Variants in PCNX1 observed in about 807,000 individuals in gnomAD.
PCNX1 encodes pecanex-like protein 1.
PCNX1 carries 78 observed loss-of-function variants against 242.2 expected under a neutral mutation model. That is an observed-to-expected ratio of 0.32 (90% CI 0.27 to 0.39). PCNX1 has a LOEUF of 0.39. Among genes scored for constraint, PCNX1 ranks in the 10% least tolerant of loss-of-function variants. The pLI is 1.00. For synonymous variants in PCNX1, 1,024 were observed against 1,032.9 expected, an observed-to-expected ratio of 0.99 and a Z score of 0.17; for missense variants, 2,581 against 2,856.5, an observed-to-expected ratio of 0.90 and a Z score of 2.20.
intron 15 of PCNX1, 101 bp from the exon 16 acceptor site, chr14:71,028,599 G>GA: frequency 1.5e-6 from 1 of 653,954 alleles, no homozygotes; most frequent in Non-Finnish European, 2.6e-6. Context: ...GATATTTAAT[G>GA]ATAGTTGACA....
At chr14:71,028,916 T>A (rs988652054) in intron 16 of PCNX1, 125 bp downstream of exon 16, 1 of 539,324 alleles carries the variant, frequency 1.9e-6, no homozygotes. Flanking sequence ...ATGGTCTTCA[T>A]ATGTTAAACA....
chr14:70,990,849 G>A (rs924072033), intron 7 of PCNX1, among the ~76,000 whole-genome samples: 32 of 152,078 alleles, frequency 2.1e-4, no homozygotes, highest in African/African-American at 7.5e-4. Context: ...TGTAGAAAGA[G>A]CTCAGCGTTT....
intron 26 of PCNX1, among the ~76,000 whole-genome samples, chr14:71,061,740 AT>A (rs1428688968): frequency 2.6e-5 from 4 of 152,172 alleles, no homozygotes. Context: ...GGATGAAGAG[AT>A]TGCAAAAATC....
chr14:70,914,877 T>C (rs1423826522), intron 1 of PCNX1, among the ~76,000 whole-genome samples: 1 of 152,202 alleles, frequency 6.6e-6, no homozygotes, highest in African/African-American at 2.4e-5. Context: ...GTTTGCGTAG[T>C]GTAGACTTGG....
chr14:70,978,676 GT>G, intron 6 of PCNX1, 28 bp downstream of exon 6: 1 of 1,564,016 alleles, frequency 6.4e-7, no homozygotes, highest in Non-Finnish European at 8.6e-7. Flanking sequence ...AGAGATTTCT[GT>G]AAGACTCACT....
At chr14:70,908,081 C>T in intron 1 of PCNX1, 78 bp downstream of exon 1, 2 of 1,376,636 alleles carry the variant, frequency 1.5e-6, no homozygotes, top group East Asian at 3.0e-5. Context: ...CCCTCTTCCT[C>T]TTCCACGGGG....
rs1256459089 is a variant in PCNX1, at chr14:71,113,442, AGTTT to A, written c.*3508_*3511del. The A allele has an allele frequency of 1.3e-5, 2 of 152,650 alleles. No individual in the cohort carries two copies. Among genetic ancestry groups the A allele is most frequent in the South Asian group, 2.1e-4 (1 of 4,832 alleles). The allele number at this position is 152,650 out of a possible 1,614,324, so 9.5% of individuals were successfully genotyped here. A position where few individuals can be genotyped will look rare whatever the true frequency, so the allele number is the denominator to read the frequency against. On this transcript the variant is annotated 3_prime_UTR_variant, in exon 36 of 36. Transcript: ENST00000304743. ...GAAGATGTGTTTTTCTTTCTGAATT[AGTTT>A]ATTTTTCCATCACATACCAAAATAT... is the stretch of plus-strand genomic sequence containing the variant.
intron 5 of PCNX1, among the ~76,000 whole-genome samples, chr14:70,975,093 C>T (rs138735899): frequency 6.6e-6 from 1 of 152,096 alleles, no homozygotes; most frequent in East Asian, 1.9e-4. Flanking sequence ...ATTAAAAAAA[C>T]CTTTTGTTAT....
At chr14:70,949,071 C>T (rs779202946) in intron 2 of PCNX1, among the ~76,000 whole-genome samples, 6 of 138,894 alleles carry the variant, frequency 4.3e-5, no homozygotes, top group East Asian at 2.1e-4. Context: ...TATGTATAGA[C>T]GTGTATATAT....
chr14:70,939,290 C>T (rs2057136798), intron 1 of PCNX1, among the ~76,000 whole-genome samples: 1 of 152,246 alleles, frequency 6.6e-6, no homozygotes, highest in Admixed American at 6.5e-5. Flanking sequence ...TTTCCCTCTA[C>T]ACACTGCTTT....
rs562902226 is a variant in PCNX1 at position 70,990,022 on chromosome 14, C to T, written c.2444+1323C>T. On this transcript the variant is annotated intron_variant, in intron 7 of 35. Coordinates refer to ENST00000304743, the MANE Select transcript of PCNX1 (RefSeq NM_014982.3). The stretch of plus-strand genomic sequence containing the variant: ...CTGTTAAGTGCATGGTAGGTTGGAA[C>T]AGATAAACCCCTTCTCTTGTTAAAA... Among the ~76,000 whole-genome samples, 9 of 152,274 alleles carry T rather than the reference C, an allele frequency of 5.9e-5. No homozygotes were observed. The South Asian group carries it at 1.9e-3, about 32-fold the overall frequency.
chr14:71,047,963 T>C lies in PCNX1; in HGVS notation c.4317T>C (p.Phe1439=). The change falls in exon 22 of 36, where the codon TTT becomes TTC. Residue 1439 remains phenylalanine (F), a synonymous_variant. Coordinates refer to ENST00000304743, the MANE Select transcript of PCNX1 (RefSeq NM_014982.3). The stretch of plus-strand genomic sequence containing the variant: ...AGACCATGCTGTTGGATCTCTTCTT[T>C]ATGTCCATACTCTTCAACAAGGTAA... ...FSETMLLDLF[F]MSILFNKLWE... is the part of the protein sequence containing the mutation. The C allele has an allele frequency of 6.2e-7, 1 of 1,612,252 alleles. No individual in the cohort carries two copies. Among genetic ancestry groups the C allele is most frequent in the Non-Finnish European group, 8.5e-7 (1 of 1,178,854 alleles).
intron 1 of PCNX1, among the ~76,000 whole-genome samples, chr14:70,914,017 C>T (rs2056042764): frequency 6.6e-6 from 1 of 152,006 alleles, no homozygotes; most frequent in African/African-American, 2.4e-5. Flanking sequence ...CTGGTCATGG[C>T]ACAGATATAA....
intron 33 of PCNX1, among the ~76,000 whole-genome samples, chr14:71,106,337 G>A (rs2062621196): frequency 6.6e-6 from 1 of 152,154 alleles, no homozygotes; most frequent in African/African-American, 2.4e-5. Context: ...ATTTTTAAAG[G>A]CTAACAATAT....
chr14:70,912,446 G>C (rs2140016675), intron 1 of PCNX1, among the ~76,000 whole-genome samples: 1 of 151,944 alleles, frequency 6.6e-6, no homozygotes, highest in South Asian at 2.1e-4. Context: ...CTAACTACCA[G>C]CCCCTGACTG....
In PCNX1 at chr14:71,036,145, C is replaced by T; in HGVS notation, c.3855C>T (p.Phe1285=). 6.3e-7 allele frequency: 1 copy of T among 1,582,610 alleles called. No homozygotes were observed. Among genetic ancestry groups the T allele is most frequent in the Admixed American group, 1.7e-5 (1 of 59,964 alleles). The change falls in exon 19 of 36, where the codon TTC becomes TTT. Residue 1285 remains phenylalanine, a synonymous_variant. Transcript: ENST00000304743. ...LYFAIHVSTV[F]TVLQPALKYV... ...TTGCTATTCATGTAAGCACAGTCTT[C>T]ACAGTATTGCAGGTAAGGAATCATT...
intron 2 of PCNX1, 124 bp downstream of exon 2, chr14:70,947,247 C>T (rs1221391625): frequency 2.9e-6 from 2 of 694,622 alleles, no homozygotes; most frequent in South Asian, 1.8e-5. Context: ...GATCTTACCA[C>T]TGTAGATACA....
intron 2 of PCNX1, among the ~76,000 whole-genome samples, chr14:70,959,221 CTT>C (rs35385199): frequency 2.3e-3 from 321 of 141,540 alleles, no homozygotes; most frequent in Non-Finnish European, 3.9e-3. Context: ...TTCCTGTTAT[CTT>C]TTTTTTTTTT....
intron 12 of PCNX1, among the ~76,000 whole-genome samples, chr14:71,022,066 TA>T (rs1476974726): frequency 6.6e-6 from 1 of 152,212 alleles, no homozygotes; most frequent in East Asian, 1.9e-4. Flanking sequence ...ATCTCCTGGT[TA>T]ATTTTTCTTT....
Sources: allele counts gnomAD v4.1 joint callset (sites outside exome capture counted in the v4.1 genomes callset), GRCh38; gene constraint gnomAD v4.1.1; transcripts MANE v1.5; gene names NCBI Gene and HGNC (gene_info 2026-07-23, HGNC 2026-07-21).